ZYG11A: variants seen among roughly 807,000 people sequenced by gnomAD.
ZYG11A encodes the protein protein zyg-11 homolog A.
ZYG11A carries 62 observed loss-of-function variants against 77.2 expected under a neutral mutation model. That is an observed-to-expected ratio of 0.80 (90% CI 0.65 to 0.99). The LOEUF (loss-of-function observed/expected upper bound fraction) is 0.99. Among genes scored for constraint, ZYG11A ranks in the 50% least tolerant of loss-of-function variants. The pLI is 0.00. For missense variants in ZYG11A, 828 were observed against 896.8 expected, an observed-to-expected ratio of 0.92 and a Z score of 0.98; for synonymous variants, 315 against 324.6, an observed-to-expected ratio of 0.97 and a Z score of 0.32.
At chr1:52,847,800 G>T (rs1446602807) in intron 1 of ZYG11A, among the ~76,000 whole-genome samples, 29 of 149,410 alleles carry the variant, frequency 1.9e-4, no homozygotes, top group South Asian at 1.5e-3. Flanking sequence ...CTTCCGAGTA[G>T]CTGGGACTAC....
Position 52,842,971 on chromosome 1 carries a change from C to T in ZYG11A, c.88C>T (p.Gln30Ter). 1 of 1,516,748 alleles carries T rather than the reference C, an allele frequency of 6.6e-7. No individual in the cohort carries two copies. The highest frequency in any genetic ancestry group is 8.8e-7 in the Non-Finnish European group (1 of 1,133,136). The allele number at this position is 1,516,748 out of a possible 1,614,324, so 94.0% of individuals were successfully genotyped here. ...GGATGCCCTGGGCTGCTGCGTGGTACAGGTGAGCACCGGGGTGCGGGCGGC... is the reference window on the plus strand; with the variant it reads ...GGATGCCCTGGGCTGCTGCGTGGTATAGGTGAGCACCGGGGTGCGGGCGGC... ...QKDALGCCVV[Q>*]EEASPYTLVN... Residue 30 changes from glutamine (Q) to a stop codon, truncating the protein, a stop_gained and splice_region_variant, in exon 1 of 14, where the codon CAG becomes TAG. Coordinates refer to ENST00000371528, the MANE Select transcript of ZYG11A (RefSeq NM_001004339.3). LOFTEE classifies it high-confidence loss of function.
intron 8 of ZYG11A, among the ~76,000 whole-genome samples, chr1:52,872,147 CAG>C (rs766221564): frequency 9.9e-5 from 15 of 152,104 alleles, no homozygotes; most frequent in Non-Finnish European, 1.8e-4. Context: ...TTTTTTGAGA[CAG>C]AGTCTGCAAT....
chr1:52,850,699 C>T (rs1645692978), intron 1 of ZYG11A, among the ~76,000 whole-genome samples: 1 of 152,100 alleles, frequency 6.6e-6, no homozygotes, highest in Non-Finnish European at 1.5e-5. Flanking sequence ...TGTGATCTGC[C>T]CGCCTCGGCC....
Position 52,890,784 on chromosome 1 carries a change from C to T in ZYG11A, c.2105-1998C>T, listed in dbSNP as rs976096624. 7.9e-5 allele frequency among the ~76,000 whole-genome samples: 12 copies of T among 151,732 alleles called. 1 individual carries two copies. Among genetic ancestry groups the T allele is most frequent in the Non-Finnish European group, 1.2e-4 (8 of 67,992 alleles). On this transcript the variant is annotated intron_variant, in intron 13 of 13. Coordinates refer to ENST00000371528, the MANE Select transcript of ZYG11A (RefSeq NM_001004339.3). ...AGCTAATTTTTTTATTTTTTGTAGA[C>T]ACATGGTCTCACTACATTGCCTTGA...
At chr1:52,854,830 C>T (rs1416211779) in intron 2 of ZYG11A, among the ~76,000 whole-genome samples, 200 bp downstream of exon 2, 1 of 151,942 alleles carries the variant, frequency 6.6e-6, no homozygotes, top group Admixed American at 6.6e-5. Flanking sequence ...TTCCACTCTT[C>T]ACTTACGTAA....
chr1:52,869,568 C>T (rs1646101356), intron 8 of ZYG11A, among the ~76,000 whole-genome samples: 1 of 151,846 alleles, frequency 6.6e-6, no homozygotes, highest in Non-Finnish European at 1.5e-5. Context: ...GGGGTAAGGT[C>T]ATAGATCAAC....
chr1:52,877,769 A>G lies in ZYG11A; in HGVS notation c.1630A>G (p.Thr544Ala), dbSNP rs746127689. The change falls in exon 9 of 14, where the codon ACA (threonine) becomes GCA (alanine). Residue 544 changes from threonine to alanine, a missense_variant. By Grantham distance (58) the Thr-to-Ala change is moderately conservative. Coordinates refer to ENST00000371528, the MANE Select transcript of ZYG11A (RefSeq NM_001004339.3). ...TACTTTGAAAGCACTTTGGAATCTT[A>G]CAGATGGGTCTCCAGCTGCCTGCAA... ...LFTLKALWNL[T>A]DGSPAACKHF... 1.3e-6 allele frequency: 2 copies of G among 1,551,994 alleles called. No homozygotes were observed. The highest frequency in any genetic ancestry group is 1.2e-5 in the South Asian group (1 of 84,038).
At chr1:52,885,792 A>C in intron 11 of ZYG11A, 41 bp from the exon 12 acceptor site, 2 of 1,408,486 alleles carry the variant, frequency 1.4e-6, no homozygotes, top group Non-Finnish European at 1.9e-6. Context: ...TAAATGATGG[A>C]TTATTCAAAT....
chr1:52,862,958 G>GT (rs930986411), intron 4 of ZYG11A, among the ~76,000 whole-genome samples: 20 of 151,670 alleles, frequency 1.3e-4, no homozygotes, highest in African/African-American at 2.4e-4. Context: ...TGTTTTTTTT[G>GT]TTTTTTCTGT....
chr1:52,877,047 C>T (rs1646273734), intron 8 of ZYG11A, among the ~76,000 whole-genome samples: 1 of 152,236 alleles, frequency 6.6e-6, no homozygotes, highest in Admixed American at 6.5e-5. Context: ...GTTCTAGCCC[C>T]ACTGACCTGC....
At chr1:52,892,392 G>A (rs371286977) in intron 13 of ZYG11A, among the ~76,000 whole-genome samples, 48 of 151,348 alleles carry the variant, frequency 3.2e-4, no homozygotes, top group African/African-American at 1.2e-3. Context: ...GCCGGGCGTG[G>A]TGGGGCATGC....
chr1:52,867,554 G>A lies in ZYG11A; in HGVS notation c.1407G>A (p.Lys469=), dbSNP rs1364106319. The A allele has an allele frequency of 6.4e-7, 1 of 1,551,968 alleles. No individual in the cohort carries two copies. The highest frequency in any genetic ancestry group is 8.7e-7 in the Non-Finnish European group (1 of 1,146,826). The change falls in exon 7 of 14, where the codon AAG becomes AAA. Residue 469 remains lysine, a synonymous_variant. Coordinates refer to ENST00000371528, the MANE Select transcript of ZYG11A (RefSeq NM_001004339.3). The stretch of plus-strand genomic sequence containing the variant: ...TGCTTTTCAGGTTTGATGCTGCCAA[G>A]TTTGTCATGAGATGGCTCTGTAAGC... ...DVPFDRFDAA[K]FVMRWLCKHE...
chr1:52,887,588 C>G (rs1210773407), intron 13 of ZYG11A, among the ~76,000 whole-genome samples: 1 of 151,870 alleles, frequency 6.6e-6, no homozygotes, highest in Admixed American at 6.6e-5. Flanking sequence ...AATTTAAAAT[C>G]CCTTTTGAGG....
chr1:52,845,161 A>G (rs1322459632), intron 1 of ZYG11A, among the ~76,000 whole-genome samples: 1 of 152,030 alleles, frequency 6.6e-6, no homozygotes, highest in Non-Finnish European at 1.5e-5. Context: ...CTTGATCTCT[A>G]GCAATATTCT....
At chr1:52,885,427 A>C (rs1209783345) in intron 11 of ZYG11A, among the ~76,000 whole-genome samples, 3 of 146,754 alleles carry the variant, frequency 2.0e-5, no homozygotes, top group African/African-American at 7.6e-5. Context: ...GTTGGTCTCG[A>C]TCTCTTGACC....
intron 10 of ZYG11A, among the ~76,000 whole-genome samples, chr1:52,880,621 C>G (rs1646347512): frequency 6.6e-6 from 1 of 152,166 alleles, no homozygotes; most frequent in African/African-American, 2.4e-5. Context: ...GGGACTCTTT[C>G]TCTCTGGCCC....
At chr1:52,885,666 AT>A (rs1296387882) in intron 11 of ZYG11A, among the ~76,000 whole-genome samples, 166 bp from the exon 12 acceptor site, 1 of 112,014 alleles carries the variant, frequency 8.9e-6, no homozygotes, top group East Asian at 1.9e-4. Context: ...TGTTCTTGTA[AT>A]TTTTCCCACA....
At chr1:52,865,768 G>T (rs1162143158) in intron 5 of ZYG11A, among the ~76,000 whole-genome samples, 1 of 152,042 alleles carries the variant, frequency 6.6e-6, no homozygotes, top group East Asian at 1.9e-4. Context: ...AATCTATAAT[G>T]ACTGTAATTT....
intron 1 of ZYG11A, among the ~76,000 whole-genome samples, chr1:52,851,987 T>C (rs1248990051): frequency 3.3e-5 from 5 of 151,218 alleles, no homozygotes; most frequent in African/African-American, 1.2e-4. Context: ...CAATCTTGGC[T>C]CGCTGCAACC....
Sources: gnomAD v4.1 joint callset for allele counts (sites outside exome capture counted in the v4.1 genomes callset) on GRCh38, gnomAD v4.1.1 for gene constraint, MANE v1.5 for transcripts, NCBI Gene and HGNC (gene_info 2026-07-23, HGNC 2026-07-21) for gene names.